SEPTIN4: variants seen among roughly 807,000 people sequenced by gnomAD.
SEPTIN4 encodes septin 4, also known as septin-4.
Under a neutral mutation model 107.1 loss-of-function variants are expected in SEPTIN4, and 52 were observed. That is an observed-to-expected ratio of 0.49 (90% CI 0.39 to 0.61). The LOEUF is 0.61. SEPTIN4 is among the 20% of genes least tolerant of loss of function. The probability of loss-of-function intolerance (pLI) is 0.00; values close to 1 mark genes in which losing one functional copy is unlikely to be tolerated. For synonymous variants in SEPTIN4, 417 were observed against 467.0 expected, an observed-to-expected ratio of 0.89 and a Z score of 1.38; for missense variants, 1,048 against 1,243.5, an observed-to-expected ratio of 0.84 and a Z score of 2.36.
intron 3 of SEPTIN4, chr17:58,539,286 A>G (rs2043814679): frequency 3.4e-6 from 3 of 877,308 alleles, no homozygotes; most frequent in South Asian, 1.8e-5. Context: ...TTCCTAAACT[A>G]AAACAAGATG....
intron 3 of SEPTIN4, chr17:58,539,107 C>T: frequency 6.6e-7 from 1 of 1,525,410 alleles, no homozygotes; most frequent in Non-Finnish European, 8.8e-7. Flanking sequence ...TCCATGCCAT[C>T]CTACCTCCAG....
intron 7 of SEPTIN4, chr17:58,524,742 AC>A (rs1332391383): frequency 4.8e-6 from 1 of 209,282 alleles, no homozygotes; most frequent in Non-Finnish European, 9.8e-6. Flanking sequence ...AATTTTTAAA[AC>A]TTTTTGTAGA....
chr17:58,521,098 G>A lies in SEPTIN4; in HGVS notation c.2731C>T (p.Gln911Ter). 6.2e-7 allele frequency: 1 copy of A among 1,614,192 alleles called. No individual in the cohort carries two copies. Among genetic ancestry groups the A allele is most frequent in the Non-Finnish European group, 8.5e-7 (1 of 1,180,040 alleles). Residue 911 changes from glutamine to a stop codon, truncating the protein, a stop_gained, in exon 12 of 14, where the codon CAG becomes TAG. Transcript: ENST00000672673. LOFTEE classifies it high-confidence loss of function. The surrounding 1 kb of genome is among the most constrained non-coding windows in gnomAD (Gnocchi z 6.4). Reference protein sequence around the residue: ...LRTMLVRTHMQDLKDVTRETH... With the variant: ...LRTMLVRTHM ...TCCCGTGTCACATCCTTCAGGTCCT[G>A]CATGTGGGTACGTACCAGCATTGTC...
chr17:58,525,391 G>T, intron 6 of SEPTIN4, 190 bp from the exon 7 acceptor site: 1 of 696,452 alleles, frequency 1.4e-6, no homozygotes, highest in Non-Finnish European at 2.4e-6. Flanking sequence ...AGGAAATGCC[G>T]GTGGCTGTTG....
intron 7 of SEPTIN4, among the ~76,000 whole-genome samples, chr17:58,523,299 C>G (rs12449365): frequency 0.37 from 54,936 of 149,386 alleles, 10,377 homozygotes; most frequent in East Asian, 0.51. Flanking sequence ...AACCTGAGCC[C>G]GGGGAGCCCC....
chr17:58,536,840 G>A (rs1337309089), intron 3 of SEPTIN4, among the ~76,000 whole-genome samples: 1 of 152,228 alleles, frequency 6.6e-6, no homozygotes, highest in Non-Finnish European at 1.5e-5. Context: ...ACCTGTCAGG[G>A]TGGCTCCTGG....
chr17:58,521,108 A>T lies in SEPTIN4; in HGVS notation c.2721T>A (p.Arg907=), dbSNP rs748592991. 1.9e-6 allele frequency: 3 copies of T among 1,614,156 alleles called. No homozygotes were observed. Among genetic ancestry groups the T allele is most frequent in the Middle Eastern group, 3.3e-4 (2 of 6,062 alleles). Residue 907 remains arginine (R), a synonymous_variant, in exon 12 of 14, where the codon CGT becomes CGA. Transcript: ENST00000672673. This position sits in a 1 kb window ranked among gnomAD's most constrained non-coding sequence, Gnocchi z 6.4. ...DFVKLRTMLV[R]THMQDLKDVT... ...CATCCTTCAGGTCCTGCATGTGGGT[A>T]CGTACCAGCATTGTCCTCAGCTTCA...
chr17:58,534,592 G>A (rs561913520), intron 3 of SEPTIN4, among the ~76,000 whole-genome samples: 43 of 152,338 alleles, frequency 2.8e-4, no homozygotes, highest in Admixed American at 1.6e-3. Context: ...CTCTTGGAGC[G>A]CTAGTTCTCC....
rs2043928883 is a variant in SEPTIN4, at chr17:58,543,155, T to A, written c.1032A>T (p.Val344=). The change falls in exon 1 of 14, where the codon GTA becomes GTT. Residue 344 remains valine, a synonymous_variant. Coordinates refer to ENST00000672673, the MANE Select transcript of SEPTIN4 (RefSeq NM_001368771.2). ...RVTISPGVQS[V]EPTHHVTVPS... ...GAACTGTCACATGGTGAGTTGGCTC[T>A]ACTGACTGTACCCCTGGGGAGATGG... The A allele has an allele frequency of 1.9e-6, 3 of 1,613,224 alleles. No individual in the cohort carries two copies. The highest frequency in any genetic ancestry group is 3.3e-5 in the Admixed American group (2 of 59,978).
At chr17:58,540,630 G>A (rs1187897473) in intron 3 of SEPTIN4, 36 bp downstream of exon 3, 2 of 1,342,620 alleles carry the variant, frequency 1.5e-6, no homozygotes, top group South Asian at 2.0e-5. Context: ...GGTGGGCCCA[G>A]GAAGACTGGG....
rs780871655 is a variant in SEPTIN4, at chr17:58,521,217, G to A, written c.2668+37C>T. The A allele has an allele frequency of 2.0e-5, 33 of 1,613,948 alleles. No homozygotes were observed. Among genetic ancestry groups the A allele is most frequent in the Non-Finnish European group, 2.8e-5 (33 of 1,179,914 alleles). On this transcript the variant is annotated intron_variant, in intron 11 of 13. Coordinates refer to ENST00000672673, the MANE Select transcript of SEPTIN4 (RefSeq NM_001368771.2). This position sits in a 1 kb window ranked among gnomAD's most constrained non-coding sequence, Gnocchi z 6.4. ...CATAGGTAGGGGAGAGCCACTGAGGGCAAGGAGATACCCTGGTCACAGGCT... is the reference window on the plus strand; with the variant it reads ...CATAGGTAGGGGAGAGCCACTGAGGACAAGGAGATACCCTGGTCACAGGCT...
chr17:58,538,538 T>C lies in SEPTIN4; in HGVS notation c.1614+2128A>G, dbSNP rs1380267841. 6.6e-6 allele frequency among the ~76,000 whole-genome samples: 1 copy of C among 152,120 alleles called. No homozygotes were observed. Among genetic ancestry groups the C allele is most frequent in the Non-Finnish European group, 1.5e-5 (1 of 68,012 alleles). On this transcript the variant is annotated intron_variant, in intron 3 of 13. Transcript: ENST00000672673. This position sits in a 1 kb window ranked among gnomAD's most constrained non-coding sequence, Gnocchi z 4.7. ...CCCCTCCCATCAGAACTGCTTTATT[T>C]CCAGGAAATCCCCAGGGCTATGTGA...
intron 3 of SEPTIN4, among the ~76,000 whole-genome samples, chr17:58,533,449 G>T (rs1173503384): frequency 6.6e-6 from 1 of 152,186 alleles, no homozygotes; most frequent in Non-Finnish European, 1.5e-5. Flanking sequence ...GGGGAAGGAG[G>T]ATATGCTGTA....
chr17:58,525,390 C>T (rs781154296), intron 6 of SEPTIN4, 189 bp from the exon 7 acceptor site: 15 of 709,358 alleles, frequency 2.1e-5, no homozygotes, highest in Admixed American at 2.9e-5. Flanking sequence ...CAGGAAATGC[C>T]GGTGGCTGTT....
rs760249212 is a variant in SEPTIN4, at chr17:58,521,878, C to T, written c.2352-25G>A. ...CCTGGGGAACAGGAACCTGTGACCA[C>T]CTGCTAGTGGCAGCCCTGCCCCTGG... On this transcript the variant is annotated intron_variant, in intron 8 of 13. Coordinates refer to ENST00000672673, the MANE Select transcript of SEPTIN4 (RefSeq NM_001368771.2). The surrounding 1 kb of genome is among the most constrained non-coding windows in gnomAD (Gnocchi z 6.4). The T allele has an allele frequency of 1.2e-6, 2 of 1,614,236 alleles. No homozygotes were observed. Among genetic ancestry groups the T allele is most frequent in the South Asian group, 2.2e-5 (2 of 91,086 alleles).
intron 3 of SEPTIN4, among the ~76,000 whole-genome samples, chr17:58,533,728 A>C (rs1343591092): frequency 6.6e-6 from 1 of 152,184 alleles, no homozygotes; most frequent in East Asian, 1.9e-4. Context: ...GGCAGTTGGA[A>C]GTCTGCAGAA....
chr17:58,539,754 A>G (rs2043826042), intron 3 of SEPTIN4, among the ~76,000 whole-genome samples: 1 of 151,840 alleles, frequency 6.6e-6, no homozygotes, highest in Admixed American at 6.6e-5. Flanking sequence ...GGAGAGAGAG[A>G]GGAGGGAAGG....
chr17:58,525,054 G>A, intron 7 of SEPTIN4, 24 bp downstream of exon 7: 1 of 1,613,922 alleles, frequency 6.2e-7, no homozygotes, highest in Non-Finnish European at 8.5e-7. Context: ...AGGGGCAGCT[G>A]GGATTGTGCT....
In SEPTIN4 at chr17:58,544,067, T is replaced by G; in HGVS notation, c.120A>C (p.Arg40=). 1 of 1,614,106 alleles carries G rather than the reference T, an allele frequency of 6.2e-7. No homozygotes were observed. The highest frequency in any genetic ancestry group is 8.5e-7 in the Non-Finnish European group (1 of 1,180,012). ...AAGGGTTCAGGGAGACTGCAGCACT[T>G]CGATGGCTTGAGGCAAGAACGTACC... is the stretch of plus-strand genomic sequence containing the variant. ...GHGYVLASSH[R]SAAVSLNPSH... is the part of the protein sequence containing the mutation. The change falls in exon 1 of 14, where the codon CGA becomes CGC. Residue 40 remains arginine, a synonymous_variant. Transcript: ENST00000672673.
Sources: allele counts gnomAD v4.1 joint callset (sites outside exome capture counted in the v4.1 genomes callset), GRCh38; gene constraint gnomAD v4.1.1; non-coding constraint Gnocchi (gnomAD v3.1); transcripts MANE v1.5; gene names NCBI Gene and HGNC (gene_info 2026-07-23, HGNC 2026-07-21).